The following GPM6A variants were observed in gnomAD, a reference collection of about 807,000 sequenced individuals.
GPM6A encodes the protein neuronal membrane glycoprotein M6-a.
A neutral mutation model predicts 32.1 loss-of-function variants in GPM6A; 7 were observed. That is an observed-to-expected ratio of 0.22 (90% CI 0.12 to 0.41). GPM6A has a LOEUF of 0.41. Among genes scored for constraint, GPM6A ranks in the 10% least tolerant of loss-of-function variants. The pLI is 1.00. For missense variants in GPM6A, 235 were observed against 347.2 expected, an observed-to-expected ratio of 0.68 and a Z score of 2.57; for synonymous variants, 130 against 123.4, an observed-to-expected ratio of 1.05 and a Z score of -0.35.
intron 1 of GPM6A, among the ~76,000 whole-genome samples, chr4:175,986,282 T>G (rs561714027): frequency 2.0e-5 from 3 of 152,158 alleles, no homozygotes; most frequent in Non-Finnish European, 4.4e-5. Flanking sequence ...TGCTTGTAAT[T>G]CCAGCACTGT....
chr4:175,801,839 C>T (rs1734484053), intron 1 of GPM6A, among the ~76,000 whole-genome samples: 1 of 152,150 alleles, frequency 6.6e-6, no homozygotes, highest in Middle Eastern at 3.4e-3. Flanking sequence ...AAGTATGACA[C>T]AAAGTTTCCT....
chr4:175,827,600 C>T (rs1441535154), intron 1 of GPM6A, among the ~76,000 whole-genome samples: 1 of 152,190 alleles, frequency 6.6e-6, no homozygotes, highest in Non-Finnish European at 1.5e-5. Flanking sequence ...ATTCAACAGG[C>T]TTAGAGAACA....
chr4:175,782,109 A>G (rs1307662339), intron 1 of GPM6A, among the ~76,000 whole-genome samples: 1 of 152,146 alleles, frequency 6.6e-6, no homozygotes, highest in Non-Finnish European at 1.5e-5. Flanking sequence ...GCTGGCTATA[A>G]TAATCACAGC....
chr4:175,749,175 T>C (rs1229580804), intron 1 of GPM6A, among the ~76,000 whole-genome samples: 1 of 150,728 alleles, frequency 6.6e-6, no homozygotes. Flanking sequence ...TAGTATTAGA[T>C]TGGTGCAAAA....
chr4:175,787,724 G>T (rs931641195), intron 1 of GPM6A: 3 of 484,644 alleles, frequency 6.2e-6, no homozygotes, highest in Non-Finnish European at 8.3e-6. Flanking sequence ...TCTCACTTCT[G>T]AAACAAGAAT....
intron 1 of GPM6A, among the ~76,000 whole-genome samples, chr4:175,782,373 A>C (rs1045695248): frequency 1.3e-5 from 2 of 152,054 alleles, no homozygotes; most frequent in East Asian, 1.9e-4. Flanking sequence ...AGGTTCCTAC[A>C]AAAAAGTCAC....
At chr4:175,729,806 T>C (rs1020668302) in intron 1 of GPM6A, among the ~76,000 whole-genome samples, 5 of 147,086 alleles carry the variant, frequency 3.4e-5, no homozygotes, top group African/African-American at 1.2e-4. Context: ...TTATATTATA[T>C]TATATATTAA....
At chr4:175,773,402 C>T (rs1733267611) in intron 1 of GPM6A, among the ~76,000 whole-genome samples, 1 of 152,032 alleles carries the variant, frequency 6.6e-6, no homozygotes, top group Non-Finnish European at 1.5e-5. Context: ...ATAAGAAAAC[C>T]TAATTGGCAT....
chr4:175,737,938 C>CTT (rs796345427), intron 1 of GPM6A, among the ~76,000 whole-genome samples: 5 of 139,926 alleles, frequency 3.6e-5, no homozygotes, highest in Admixed American at 7.2e-5. Context: ...CACTAGGTCC[C>CTT]TTTTTTTTTT....
chr4:175,833,870 A>G (rs1402153328), intron 1 of GPM6A, among the ~76,000 whole-genome samples: 1 of 152,136 alleles, frequency 6.6e-6, no homozygotes, highest in Non-Finnish European at 1.5e-5. Flanking sequence ...TCAGTCTGAT[A>G]AGCCCTTACA....
chr4:175,998,342 C>T lies in GPM6A; in HGVS notation c.-23+3967G>A, dbSNP rs74672153. Among the ~76,000 whole-genome samples the T allele has an allele frequency of 8.2e-3, 1,249 of 151,922 alleles. 10 individuals carry two copies. The highest frequency in any genetic ancestry group is 0.028 in the African/African-American group (1,145 of 41,412). ...CTACTGTTTGTAATTTTAGTAGAGA[C>T]GGTCTCACTATGTTGCTCAGGTTGG... On this transcript the variant is annotated intron_variant, in intron 1 of 7. Coordinates refer to the GPM6A transcript ENST00000280187.
In GPM6A at chr4:175,865,146, G is replaced by C. The variant is rs1207269615; in HGVS notation, c.-22-52897C>G. The stretch of plus-strand genomic sequence containing the variant: ...TATATAGTATGAGGTAATAATGAAA[G>C]AGTACTTTTTTGCATGTGGATATCG... On this transcript the variant is annotated intron_variant, in intron 1 of 7. Transcript: ENST00000280187. Among the ~76,000 whole-genome samples the C allele has an allele frequency of 2.0e-5, 3 of 152,100 alleles. No individual in the cohort carries two copies. The East Asian group carries it at 5.8e-4, about 29-fold the overall frequency.
At chr4:175,852,076 C>A (rs1736276420) in intron 1 of GPM6A, among the ~76,000 whole-genome samples, 1 of 152,012 alleles carries the variant, frequency 6.6e-6, no homozygotes, top group South Asian at 2.1e-4. Context: ...ATTGAACTCC[C>A]CATAATACTT....
At position 175,775,470 on chromosome 4, in the gene GPM6A, A is replaced by G. The variant is rs191680014; in HGVS notation, c.37+36721T>C. 3.9e-3 allele frequency among the ~76,000 whole-genome samples: 589 copies of G among 152,262 alleles called. 1 individual carries two copies. Among genetic ancestry groups the G allele is most frequent in the South Asian group, 8.3e-3 (40 of 4,828 alleles). ...AGCATATATATTCAGAATTTCACTA[A>G]AAACCCTAGATTTTTCCATTAACTC... On this transcript the variant is annotated intron_variant, in intron 1 of 6. Transcript: ENST00000393658.
intron 1 of GPM6A, among the ~76,000 whole-genome samples, chr4:175,712,572 T>C (rs188653130): frequency 6.6e-6 from 1 of 152,370 alleles, no homozygotes. Context: ...TTTGTGTCTA[T>C]GGAAATATTA....
chr4:175,867,454 A>G (rs1020676419), intron 1 of GPM6A, among the ~76,000 whole-genome samples: 1 of 151,928 alleles, frequency 6.6e-6, no homozygotes, highest in Non-Finnish European at 1.5e-5. Context: ...CTGTGCCTAG[A>G]TTGTTTTACC....
chr4:175,850,350 T>C (rs1256505900), intron 1 of GPM6A, among the ~76,000 whole-genome samples: 1 of 152,100 alleles, frequency 6.6e-6, no homozygotes, highest in Non-Finnish European at 1.5e-5. Flanking sequence ...AATGGAACAT[T>C]TTGTGAGTGC....
intron 1 of GPM6A, among the ~76,000 whole-genome samples, chr4:175,741,468 G>A (rs765284324): frequency 2.6e-5 from 4 of 152,016 alleles, no homozygotes; most frequent in Non-Finnish European, 5.9e-5. Flanking sequence ...ATTGCTAATG[G>A]AAGACATCCC....
intron 1 of GPM6A, among the ~76,000 whole-genome samples, chr4:175,810,714 T>A (rs1048170471): frequency 2.6e-5 from 4 of 152,218 alleles, no homozygotes; most frequent in Non-Finnish European, 5.9e-5. Flanking sequence ...GATCGGCCAA[T>A]AAGTATCATT....
Sources: gnomAD v4.1 joint callset for allele counts (sites outside exome capture counted in the v4.1 genomes callset) on GRCh38, gnomAD v4.1.1 for gene constraint, MANE v1.5 for transcripts, NCBI Gene and HGNC (gene_info 2026-07-23, HGNC 2026-07-21) for gene names.